RBP3: variants seen among roughly 807,000 people sequenced by gnomAD.
RBP3 encodes the protein retinol-binding protein 3.
In RBP3, 50 loss-of-function variants were observed where a neutral mutation model predicts 64.8. The ratio of observed to expected loss-of-function variants is 0.77; its 90% confidence interval spans 0.61 to 0.98. RBP3 has a LOEUF of 0.98. RBP3 is among the 50% of genes least tolerant of loss of function. The pLI, the probability that RBP3 is intolerant of heterozygous loss-of-function variation, is 0.00. For missense variants in RBP3, 1,712 were observed against 1,660.5 expected (o/e 1.03, Z -0.54); for synonymous variants, 828 against 730.2 (o/e 1.13, Z -2.16).
intron 1 of RBP3, among the ~76,000 whole-genome samples, chr10:47,352,369 C>T (rs1188645272): frequency 1.3e-5 from 2 of 152,190 alleles, no homozygotes; most frequent in Non-Finnish European, 2.9e-5. Context: ...CAGGCTCCCT[C>T]TTCTTGGAGA....
rs781888711 is a variant in RBP3 at position 47,349,187 on chromosome 10, A to T, written c.703A>T (p.Thr235Ser). 3.1e-6 allele frequency: 5 copies of T among 1,613,710 alleles called. No homozygotes were observed. The highest frequency in any genetic ancestry group is 3.4e-6 in the Non-Finnish European group (4 of 1,180,036). The part of the protein sequence containing the change: ...KDVVVLTSSQ[T>S]RGVAEDIAHI... ...TGTGGTGGTCCTCACCAGCAGCCAG[A>T]CCAGGGGCGTGGCCGAGGACATCGC... Residue 235 changes from threonine (T) to serine (S), a missense_variant, in exon 1 of 4, where the codon ACC becomes TCC. By Grantham distance (58) the Thr-to-Ser change is moderately conservative (BLOSUM62 1). Transcript: ENST00000584701.
At chr10:47,352,100 T>C (rs535977557) in intron 1 of RBP3, among the ~76,000 whole-genome samples, 3 of 152,288 alleles carry the variant, frequency 2.0e-5, no homozygotes, top group South Asian at 4.2e-4. Context: ...TGCCATGGGA[T>C]CCCTTGCAAG....
In RBP3 at chr10:47,350,078, A is replaced by G; in HGVS notation, c.1594A>G (p.Ser532Gly). 1.2e-6 allele frequency: 2 copies of G among 1,613,004 alleles called. No homozygotes were observed. Among genetic ancestry groups the G allele is most frequent in the Non-Finnish European group, 1.7e-6 (2 of 1,179,982 alleles). ...CATGGAGCTCCCGGGCCCACGCTAC[A>G]GCACCCAACGTGGGGTGTATCTGCT... ...SHMELPGPRYSTQRGVYLLTS... is the reference protein window; with the variant it reads ...SHMELPGPRYGTQRGVYLLTS... Residue 532 changes from serine (S) to glycine (G), a missense_variant, in exon 1 of 4, where the codon AGC becomes GGC. Physicochemically the swap from Ser to Gly is moderately conservative, Grantham distance 56. Transcript: ENST00000584701.
intron 3 of RBP3, among the ~76,000 whole-genome samples, chr10:47,356,415 C>G (rs1316284254): frequency 2.6e-5 from 4 of 152,094 alleles, no homozygotes; most frequent in African/African-American, 9.7e-5. Context: ...CCTGCGGCCA[C>G]CAAGCATTTG....
chr10:47,352,900 G>A (rs1169081770), intron 1 of RBP3, among the ~76,000 whole-genome samples: 1 of 152,170 alleles, frequency 6.6e-6, no homozygotes, highest in African/African-American at 2.4e-5. Context: ...GTTATCTCCT[G>A]TACAGGTGGC....
At position 47,351,341 on chromosome 10, in the gene RBP3, G is replaced by A; in HGVS notation, c.2857G>A (p.Ala953Thr). 6.2e-7 allele frequency: 1 copy of A among 1,613,574 alleles called. No individual in the cohort carries two copies. The highest frequency in any genetic ancestry group is 1.1e-5 in the South Asian group (1 of 91,088). Residue 953 changes from alanine to threonine, a missense_variant, in exon 1 of 4, where the codon GCC becomes ACC. Physicochemically the swap from Ala to Thr is moderately conservative, Grantham distance 58. Transcript: ENST00000584701. ...CGGGAAGCTGGTGGCTGATAACTATGCCTCTGCCGAGCTGGGGGCCAAGAT... is the reference window on the plus strand; with the variant it reads ...CGGGAAGCTGGTGGCTGATAACTATACCTCTGCCGAGCTGGGGGCCAAGAT... ...TAGKLVADNY[A>T]SAELGAKMAT...
Position 47,349,300 on chromosome 10 carries a change from C to A in RBP3, c.816C>A (p.Gly272=), listed in dbSNP as rs148432607. ...TGGACCTCCGGAAGCTGAGGATAGG[C>A]GAGTCTGACTTCTTCTTCACGGTGC... The part of the protein sequence containing the change: ...GALDLRKLRI[G]ESDFFFTVPV... The change falls in exon 1 of 4, where the codon GGC becomes GGA. Residue 272 remains glycine (G), a synonymous_variant. Transcript: ENST00000584701. 3,089 of 1,612,854 alleles carry A rather than the reference C, an allele frequency of 1.9e-3. 2 individuals carry two copies. Among genetic ancestry groups the A allele is most frequent in the Non-Finnish European group, 2.5e-3 (2,939 of 1,179,974 alleles).
At position 47,350,801 on chromosome 10, in the gene RBP3, G is replaced by A. The variant is rs782651156; in HGVS notation, c.2317G>A (p.Val773Met). The change falls in exon 1 of 4, where the codon GTG (valine) becomes ATG (methionine). Residue 773 changes from valine (V) to methionine (M), a missense_variant. By Grantham distance (21) the Val-to-Met change is conservative (BLOSUM62 1). Coordinates refer to ENST00000584701, the MANE Select transcript of RBP3 (RefSeq NM_002900.3). ...GGTGCGGCTGGTATGGCAACAGCTGGTGGACACGGCTGCGCTGGTGATCGA... is the reference window on the plus strand; with the variant it reads ...GGTGCGGCTGGTATGGCAACAGCTGATGGACACGGCTGCGCTGGTGATCGA... ...QLVRLVWQQL[V>M]DTAALVIDLR... 22 of 1,612,944 alleles carry A rather than the reference G, an allele frequency of 1.4e-5. No individual in the cohort carries two copies. The highest frequency in any genetic ancestry group is 5.0e-5 in the Admixed American group (3 of 60,000).
chr10:47,350,034 C>T lies in RBP3; in HGVS notation c.1550C>T (p.Thr517Met), dbSNP rs781974295. 8 of 1,612,888 alleles carry T rather than the reference C, an allele frequency of 5.0e-6. No individual in the cohort carries two copies. Among genetic ancestry groups the T allele is most frequent in the Admixed American group, 1.7e-5 (1 of 59,984 alleles). ...FTTYDRRTNITQEHFSHMELP... is the reference protein window; with the variant it reads ...FTTYDRRTNIMQEHFSHMELP... ...ACCTATGATCGCCGCACCAACATCACGCAGGAGCACTTCAGCCACATGGAG... is the reference window on the plus strand; with the variant it reads ...ACCTATGATCGCCGCACCAACATCATGCAGGAGCACTTCAGCCACATGGAG... The change falls in exon 1 of 4, where the codon ACG (threonine) becomes ATG (methionine). Residue 517 changes from threonine (T) to methionine (M), a missense_variant. By Grantham distance (81) the Thr-to-Met change is moderately conservative. Coordinates refer to ENST00000584701, the MANE Select transcript of RBP3 (RefSeq NM_002900.3).
In RBP3 at chr10:47,350,496, G is replaced by A. The variant is rs886047018; in HGVS notation, c.2012G>A (p.Gly671Asp). 2.5e-6 allele frequency: 4 copies of A among 1,612,770 alleles called. No individual in the cohort carries two copies. Among genetic ancestry groups the A allele is most frequent in the Non-Finnish European group, 2.5e-6 (3 of 1,180,030 alleles). ...CTCCTGCGGGCCAAGCTGGCCCAGGGCGCCTACCGCACAGCTGTGGACTTG... is the reference window on the plus strand; with the variant it reads ...CTCCTGCGGGCCAAGCTGGCCCAGGACGCCTACCGCACAGCTGTGGACTTG... ...SALLRAKLAQ[G>D]AYRTAVDLES... is the part of the protein sequence containing the mutation. The change falls in exon 1 of 4, where the codon GGC (glycine) becomes GAC (aspartate). Residue 671 changes from glycine (G) to aspartate (D), a missense_variant. By Grantham distance (94) the Gly-to-Asp change is moderately conservative (BLOSUM62 -1). Coordinates refer to ENST00000584701, the MANE Select transcript of RBP3 (RefSeq NM_002900.3).
rs1031472419 is a variant in RBP3 at position 47,357,732 on chromosome 10, G to A, written c.*275G>A. Reference sequence around the variant, plus strand: ...CTTCTAAGTGGTAGAACTTGGGGTGGTATTTTTACCTTCCTTCTTCATACT... The same window carrying A: ...CTTCTAAGTGGTAGAACTTGGGGTGATATTTTTACCTTCCTTCTTCATACT... On this transcript the variant is annotated 3_prime_UTR_variant, in exon 4 of 4. Transcript: ENST00000584701. 1.8e-5 allele frequency: 6 copies of A among 325,746 alleles called. No homozygotes were observed. The highest frequency in any genetic ancestry group is 1.1e-4 in the African/African-American group (5 of 47,292). 20.2% of individuals were successfully genotyped at this position (325,746 alleles called of 1,614,324 possible).
rs1837069142 is a variant in RBP3 at position 47,357,640 on chromosome 10, A to G, written c.*183A>G. 3.4e-6 allele frequency: 2 copies of G among 582,044 alleles called. No individual in the cohort carries two copies. The highest frequency in any genetic ancestry group is 6.2e-5 in the Admixed American group (2 of 32,182). 36.1% of individuals were successfully genotyped at this position (582,044 alleles called of 1,614,324 possible). ...CACACACATGTATATACACATATAT[A>G]TGTGTATGTATATATATGTATATAT... On this transcript the variant is annotated 3_prime_UTR_variant, in exon 4 of 4. Transcript: ENST00000584701.
chr10:47,353,378 C>T lies in RBP3; in HGVS notation c.3108C>T (p.Asn1036=), dbSNP rs781981916. The T allele has an allele frequency of 5.0e-5, 80 of 1,613,986 alleles. No individual in the cohort carries two copies. The highest frequency in any genetic ancestry group is 6.4e-5 in the Non-Finnish European group (76 of 1,180,030). ...EELIKFSFHT[N]VLEDNIGYLR... ...TGATCAAGTTTTCCTTCCACACTAA[C>T]GTGCTTGAGGACAACATTGGCTACT... The change falls in exon 2 of 4, where the codon AAC becomes AAT. Residue 1036 remains asparagine (N), a synonymous_variant. Transcript: ENST00000584701.
rs2132253360 is a variant in RBP3 at position 47,349,579 on chromosome 10, G to A, written c.1095G>A (p.Glu365=). 1 of 1,612,978 alleles carries A rather than the reference G, an allele frequency of 6.2e-7. No homozygotes were observed. ...ASMDFSTVVS[E]EDLVTKLNAG... ...TGGACTTCTCCACGGTGGTCTCCGAGGAAGATCTGGTCACCAAGCTCAATG... is the reference window on the plus strand; with the variant it reads ...TGGACTTCTCCACGGTGGTCTCCGAAGAAGATCTGGTCACCAAGCTCAATG... Residue 365 remains glutamate (E), a synonymous_variant, in exon 1 of 4, where the codon GAG becomes GAA. Coordinates refer to ENST00000584701, the MANE Select transcript of RBP3 (RefSeq NM_002900.3).
intron 2 of RBP3, 138 bp downstream of exon 2, chr10:47,353,653 A>G: frequency 2.0e-6 from 2 of 1,008,458 alleles, no homozygotes; most frequent in Non-Finnish European, 3.0e-6. Flanking sequence ...CCTCCTGCCT[A>G]TCAGGGCTTC....
Position 47,350,372 on chromosome 10 carries a change from C to T in RBP3, c.1888C>T (p.Leu630=), listed in dbSNP as rs782085701. 29 of 1,612,480 alleles carry T rather than the reference C, an allele frequency of 1.8e-5. No homozygotes were observed. The highest frequency in any genetic ancestry group is 2.5e-5 in the Non-Finnish European group (29 of 1,179,946). The change falls in exon 1 of 4, where the codon CTG becomes TTG. Residue 630 remains leucine (L), a synonymous_variant. Transcript: ENST00000584701. ...GGCCCTGGACAAAGCCCAGGAAGTG[C>T]TGGAGTTCCACCAAAGCCTGGGGGC... is the stretch of plus-strand genomic sequence containing the variant. ...EEALDKAQEV[L]EFHQSLGALV...
Position 47,350,905 on chromosome 10 carries a change from G to A in RBP3, c.2421G>A (p.Gln807=). 6.2e-7 allele frequency: 1 copy of A among 1,613,018 alleles called. No homozygotes were observed. The highest frequency in any genetic ancestry group is 8.5e-7 in the Non-Finnish European group (1 of 1,179,986). Residue 807 remains glutamine, a synonymous_variant, in exon 1 of 4, where the codon CAG becomes CAA. Coordinates refer to ENST00000584701, the MANE Select transcript of RBP3 (RefSeq NM_002900.3). ...ACTTCTTTGAGGCAGAGCCCCGCCA[G>A]CACCTGTATTCTGTCTTTGACAGGG... ...CSYFFEAEPR[Q]HLYSVFDRAT... is the part of the protein sequence containing the mutation.
Position 47,348,924 on chromosome 10 carries a change from TGGGGGA to T in RBP3, c.442_447del (p.Gly148_Glu149del). The T allele has an allele frequency of 6.2e-7, 1 of 1,613,732 alleles. No individual in the cohort carries two copies. The highest frequency in any genetic ancestry group is 8.5e-7 in the Non-Finnish European group (1 of 1,179,992). On this transcript the variant is annotated inframe_deletion, in exon 1 of 4. Transcript: ENST00000584701. ...CCGGGCCAGGAGGTGCTGAGCATGA[TGGGGGA>T]GTTCCTGGTGGCCCACGTGTGGGGG...
rs200537174 is a variant in RBP3 at position 47,351,284 on chromosome 10, C to T, written c.2800C>T (p.Arg934Cys). The change falls in exon 1 of 4, where the codon CGT (arginine) becomes TGT (cysteine). Residue 934 changes from arginine (R) to cysteine (C), a missense_variant. Coordinates refer to ENST00000584701, the MANE Select transcript of RBP3 (RefSeq NM_002900.3). ...LSIAQDIVAL[R>C]AKVPTVLQTA... ...CATAGCCCAGGACATAGTGGCTCTGCGTGCCAAGGTGCCCACGGTGCTGCA... is the reference window on the plus strand; with the variant it reads ...CATAGCCCAGGACATAGTGGCTCTGTGTGCCAAGGTGCCCACGGTGCTGCA... 26 of 1,613,316 alleles carry T rather than the reference C, an allele frequency of 1.6e-5. No homozygotes were observed. In the African/African-American group the frequency reaches 1.7e-4, roughly 11 times the overall value.
Sources: allele counts gnomAD v4.1 joint callset (sites outside exome capture counted in the v4.1 genomes callset), GRCh38; gene constraint gnomAD v4.1.1; transcripts MANE v1.5; gene names NCBI Gene and HGNC (gene_info 2026-07-23, HGNC 2026-07-21).